PLEKHA6: variants seen among roughly 807,000 people sequenced by gnomAD.
PLEKHA6 encodes pleckstrin homology domain-containing family A member 6.
PLEKHA6 carries 60 observed loss-of-function variants against 116.7 expected under a neutral mutation model. That is an observed-to-expected ratio of 0.51 (90% CI 0.42 to 0.64). The LOEUF (loss-of-function observed/expected upper bound fraction) is 0.64, where lower values mean the gene tolerates loss of function less well. PLEKHA6 is among the 30% of genes least tolerant of loss of function. The pLI, the probability that PLEKHA6 is intolerant of heterozygous loss-of-function variation, is 0.00. For synonymous variants in PLEKHA6, 489 were observed against 556.1 expected (o/e 0.88, Z 1.70); for missense variants, 1,338 against 1,422.7 (o/e 0.94, Z 0.96).
intron 1 of PLEKHA6, among the ~76,000 whole-genome samples, chr1:204,288,465 C>T (rs1295664321): frequency 6.6e-6 from 1 of 152,190 alleles, no homozygotes; most frequent in African/African-American, 2.4e-5. Context: ...GGCTCTGGCA[C>T]GATGCCCAAT....
intron 1 of PLEKHA6, among the ~76,000 whole-genome samples, chr1:204,345,964 G>A (rs1257820071): frequency 1.3e-5 from 2 of 152,272 alleles, no homozygotes; most frequent in African/African-American, 4.8e-5. Flanking sequence ...GGTGTGGAGA[G>A]GAGTACAGAG....
intron 12 of PLEKHA6, among the ~76,000 whole-genome samples, chr1:204,247,702 G>A (rs1403819789): frequency 6.6e-6 from 1 of 152,154 alleles, no homozygotes; most frequent in Non-Finnish European, 1.5e-5. Context: ...GGAGAGGGAT[G>A]ATATCACTTC....
chr1:204,269,570 G>T (rs1373287220), intron 3 of PLEKHA6, among the ~76,000 whole-genome samples: 4 of 149,316 alleles, frequency 2.7e-5, no homozygotes, highest in Admixed American at 2.7e-4. Context: ...CCAGCCCCCC[G>T]ACCTCCCCTG....
At chr1:204,246,837 C>A (rs922748390) in intron 13 of PLEKHA6, among the ~76,000 whole-genome samples, 8 of 152,204 alleles carry the variant, frequency 5.3e-5, no homozygotes, top group Admixed American at 2.6e-4. Context: ...TATATTTACA[C>A]GTCTGTTTTT....
At chr1:204,328,046 TTTTATTTA>T (rs200664605) in intron 1 of PLEKHA6, among the ~76,000 whole-genome samples, 75,411 of 142,290 alleles carry the variant, frequency 0.53, 22,053 homozygotes, top group Non-Finnish European at 0.65. Flanking sequence ...CTTTTATTTA[TTTTATTTA>T]TTTATTTATT....
At chr1:204,241,230 G>C (rs188561488) in intron 17 of PLEKHA6, 145 bp downstream of exon 17, 86 of 602,502 alleles carry the variant, frequency 1.4e-4, no homozygotes, top group African/African-American at 1.3e-3. Flanking sequence ...TCCTCCAGTG[G>C]GGCTCTTGCC....
In PLEKHA6 at chr1:204,230,580, G is replaced by A; in HGVS notation, c.2416C>T (p.Pro806Ser). Reference protein sequence around the residue: ...LTNGLSSQERPKSAVFPGEGK... With the variant: ...LTNGLSSQERSKSAVFPGEGK... ...TCGCCAGGAAACACAGCACTCTTGGGGCGTTCCTGCTGCCATGGGAAAACA... is the reference window on the plus strand; with the variant it reads ...TCGCCAGGAAACACAGCACTCTTGGAGCGTTCCTGCTGCCATGGGAAAACA... The change falls in exon 18 of 23, where the codon CCC (proline) becomes TCC (serine). Residue 806 changes from proline to serine, a missense_variant. Pro to Ser is a moderately conservative substitution (Grantham distance 74, BLOSUM62 -1). Coordinates refer to ENST00000272203, the MANE Select transcript of PLEKHA6 (RefSeq NM_014935.5). 1 of 1,601,436 alleles carries A rather than the reference G, an allele frequency of 6.2e-7. No homozygotes were observed. Among genetic ancestry groups the A allele is most frequent in the Non-Finnish European group, 8.5e-7 (1 of 1,174,294 alleles).
At chr1:204,245,924 A>C in intron 13 of PLEKHA6, among the ~76,000 whole-genome samples, 198 bp from the exon 14 acceptor site, 1 of 151,936 alleles carries the variant, frequency 6.6e-6, no homozygotes, top group South Asian at 2.1e-4. Context: ...TCTGCTCTTC[A>C]GCCTCTAGGA....
At chr1:204,292,911 G>C (rs1669917145) in intron 1 of PLEKHA6, among the ~76,000 whole-genome samples, 1 of 152,108 alleles carries the variant, frequency 6.6e-6, no homozygotes, top group African/African-American at 2.4e-5. Flanking sequence ...AGCTGTTAGT[G>C]TTAGAGAGCT....
chr1:204,275,581 C>G (rs908384340), intron 1 of PLEKHA6: 19 of 399,706 alleles, frequency 4.8e-5, no homozygotes, highest in Non-Finnish European at 6.5e-5. Context: ...GGAGCAGCAT[C>G]GTGGAGCCTC....
intron 18 of PLEKHA6, 60 bp from the exon 19 acceptor site, chr1:204,229,164 C>G (rs957014659): frequency 1.1e-5 from 17 of 1,542,432 alleles, no homozygotes; most frequent in Non-Finnish European, 1.4e-5. Flanking sequence ...GCAGCTCTAG[C>G]TATGCCCTGT....
chr1:204,275,530 C>T (rs1488058364), intron 1 of PLEKHA6, among the ~76,000 whole-genome samples: 1 of 151,828 alleles, frequency 6.6e-6, no homozygotes, highest in African/African-American at 2.4e-5. Flanking sequence ...GAGCAGGAAC[C>T]CAGGGGTTGG....
intron 1 of PLEKHA6, among the ~76,000 whole-genome samples, chr1:204,310,495 C>T (rs1414413739): frequency 3.9e-5 from 6 of 152,228 alleles, no homozygotes; most frequent in African/African-American, 1.2e-4. Context: ...CCATCTCTTA[C>T]TCCCTCCCCT....
chr1:204,325,869 A>C lies in PLEKHA6; in HGVS notation c.-95+33825T>G, dbSNP rs1022638233. The C allele has an allele frequency of 6.1e-6, 6 of 979,644 alleles. No homozygotes were observed. The South Asian group carries it at 2.8e-4, about 46-fold the overall frequency. The allele number at this position is 979,644 out of a possible 1,614,324, so 60.7% of individuals were successfully genotyped here. A position where few individuals can be genotyped will look rare whatever the true frequency, so the allele number is the denominator to read the frequency against. On this transcript the variant is annotated intron_variant, in intron 1 of 22. Transcript: ENST00000272203. ...GGCGAACAAGGGGTGGAAGGGCAGCATGGGGAGAAGTAGTAGCTGCCATTT... is the reference window on the plus strand; with the variant it reads ...GGCGAACAAGGGGTGGAAGGGCAGCCTGGGGAGAAGTAGTAGCTGCCATTT...
intron 21 of PLEKHA6, among the ~76,000 whole-genome samples, chr1:204,225,377 TAAG>T (rs1443967116): frequency 6.6e-6 from 1 of 152,196 alleles, no homozygotes; most frequent in Non-Finnish European, 1.5e-5. Flanking sequence ...TCAAAATAGT[TAAG>T]ATTTGCATAT....
intron 1 of PLEKHA6, among the ~76,000 whole-genome samples, chr1:204,334,987 G>A (rs1672590197): frequency 1.3e-5 from 2 of 152,048 alleles, no homozygotes; most frequent in African/African-American, 2.4e-5. Context: ...TAGTCACCAT[G>A]CTGTGTAATA....
intron 1 of PLEKHA6, chr1:204,347,356 T>C: frequency 1.6e-6 from 1 of 644,002 alleles, no homozygotes; most frequent in South Asian, 1.7e-5. Flanking sequence ...GCTCACTGGC[T>C]GTCAGAGTTT....
chr1:204,325,183 A>G (rs1672198894), intron 1 of PLEKHA6, among the ~76,000 whole-genome samples: 1 of 152,174 alleles, frequency 6.6e-6, no homozygotes, highest in Non-Finnish European at 1.5e-5. Context: ...AGGAAAGTCT[A>G]GTGTCAGGCA....
intron 1 of PLEKHA6, among the ~76,000 whole-genome samples, chr1:204,330,735 A>G (rs1672414805): frequency 1.5e-5 from 2 of 137,018 alleles, no homozygotes; most frequent in Admixed American, 1.4e-4. Context: ...CCGAAGAGGA[A>G]GCAGCCCTCC....
Sources: allele counts gnomAD v4.1 joint callset (sites outside exome capture counted in the v4.1 genomes callset), GRCh38; gene constraint gnomAD v4.1.1; transcripts MANE v1.5; gene names NCBI Gene and HGNC (gene_info 2026-07-23, HGNC 2026-07-21).